Variants in KCNH5 observed in about 807,000 individuals in gnomAD.
KCNH5 encodes voltage-gated delayed rectifier potassium channel KCNH5.
A neutral mutation model predicts 96.1 loss-of-function variants in KCNH5; 46 were observed. The ratio of observed to expected loss-of-function variants is 0.48; its 90% CI spans 0.38 to 0.61. The LOEUF is 0.61. KCNH5 is among the 20% of genes least tolerant of loss of function. The pLI, the probability that KCNH5 is intolerant of heterozygous loss-of-function variation, is 0.00. For synonymous variants in KCNH5, 439 were observed against 449.8 expected (o/e 0.98, Z 0.30); for missense variants, 907 against 1,225.8 (o/e 0.74, Z 3.88).
At chr14:62,929,438 A>G (rs1222374721) in intron 7 of KCNH5, among the ~76,000 whole-genome samples, 2 of 152,006 alleles carry the variant, frequency 1.3e-5, no homozygotes, top group East Asian at 1.9e-4. Context: ...ATGTCATATC[A>G]TGTCATTTTT....
At chr14:62,823,434 G>T (rs1245927213) in intron 8 of KCNH5, among the ~76,000 whole-genome samples, 1 of 152,010 alleles carries the variant, frequency 6.6e-6, no homozygotes, top group South Asian at 2.1e-4. Flanking sequence ...GAGATTGGGG[G>T]TATGAGTAAT....
rs750334932 is a variant in KCNH5, at chr14:63,045,212, G to C, written c.-26C>G. The C allele has an allele frequency of 4.4e-6, 7 of 1,597,100 alleles. No homozygotes were observed. In the South Asian group the frequency reaches 5.5e-5, roughly 13 times the overall value. On this transcript the variant is annotated 5_prime_UTR_variant, in exon 1 of 11. The change creates a new upstream start codon in the 5' untranslated region. Coordinates refer to ENST00000322893, the MANE Select transcript of KCNH5 (RefSeq NM_139318.5). ...CCTGGGTCTGGAGAGCAGCGGCCAG[G>C]ATCCGCGGCGGGGGAGGGGGGGATG...
intron 7 of KCNH5, among the ~76,000 whole-genome samples, chr14:62,884,879 C>T (rs7144833): frequency 0.5 from 75,633 of 151,940 alleles, 19,248 homozygotes; most frequent in East Asian, 0.71. Context: ...TATGTCACTT[C>T]CAACATGAAA....
intron 7 of KCNH5, among the ~76,000 whole-genome samples, chr14:62,857,840 C>A (rs2140053943): frequency 6.6e-6 from 1 of 152,246 alleles, no homozygotes; most frequent in Non-Finnish European, 1.5e-5. Flanking sequence ...TCAATCTAAT[C>A]AAGGTGACAC....
At chr14:62,984,630 C>T (rs1213020817) in intron 5 of KCNH5, among the ~76,000 whole-genome samples, 3 of 152,016 alleles carry the variant, frequency 2.0e-5, no homozygotes, top group African/African-American at 7.3e-5. Flanking sequence ...AAATGTCTAT[C>T]GACAATCTTG....
At chr14:62,951,749 TCAGGAGTTCAAGAC>T (rs1274413236) in intron 6 of KCNH5, among the ~76,000 whole-genome samples, 2 of 152,048 alleles carry the variant, frequency 1.3e-5, no homozygotes, top group African/African-American at 2.4e-5. Context: ...TCACCTGAGG[TCAGGAGTTCAAGAC>T]CAGCCTGGCC....
chr14:62,934,826 T>C (rs1226360217), intron 7 of KCNH5, among the ~76,000 whole-genome samples: 1 of 152,186 alleles, frequency 6.6e-6, no homozygotes, highest in East Asian at 1.9e-4. Flanking sequence ...TTGTGTTTTG[T>C]TTTCACTTTA....
At chr14:62,869,936 A>C (rs900308804) in intron 7 of KCNH5, among the ~76,000 whole-genome samples, 8 of 152,198 alleles carry the variant, frequency 5.3e-5, no homozygotes, top group Non-Finnish European at 1.0e-4. Context: ...CATCTTATAC[A>C]AAAATTAACT....
chr14:62,963,571 C>T (rs540935014), intron 6 of KCNH5, among the ~76,000 whole-genome samples: 1 of 148,210 alleles, frequency 6.7e-6, no homozygotes, highest in African/African-American at 2.5e-5. Flanking sequence ...ATGAGATGTT[C>T]CAGATCAAGT....
intron 8 of KCNH5, among the ~76,000 whole-genome samples, chr14:62,817,720 G>GAATATATTATATATAAT (rs1157246072): frequency 5.5e-4 from 78 of 142,922 alleles, no homozygotes; most frequent in Middle Eastern, 3.7e-3. Flanking sequence ...TATATTCTAG[G>GAATATATTATATATAAT]AATATATTCT....
intron 10 of KCNH5, among the ~76,000 whole-genome samples, chr14:62,745,043 CAT>C (rs1885347553): frequency 2.0e-5 from 3 of 152,220 alleles, no homozygotes; most frequent in Non-Finnish European, 4.4e-5. Context: ...GTGCCCTCTA[CAT>C]TTTGCTTTGA....
intron 2 of KCNH5, among the ~76,000 whole-genome samples, chr14:63,011,694 G>A (rs1045355130): frequency 3.3e-5 from 5 of 151,948 alleles, no homozygotes; most frequent in South Asian, 2.1e-4. Flanking sequence ...TGTAATCTTC[G>A]GAGTCTGACA....
chr14:63,026,001 G>T (rs1891517691), intron 1 of KCNH5, among the ~76,000 whole-genome samples: 2 of 141,370 alleles, frequency 1.4e-5, no homozygotes, highest in South Asian at 4.3e-4. Context: ...GCACGGTACT[G>T]GCATAAAAAT....
chr14:62,781,676 C>T (rs921187069), intron 9 of KCNH5, among the ~76,000 whole-genome samples: 12 of 152,328 alleles, frequency 7.9e-5, no homozygotes, highest in Admixed American at 6.5e-4. Flanking sequence ...TGGCTCTGTT[C>T]CGCCGGGCTC....
intron 3 of KCNH5, among the ~76,000 whole-genome samples, chr14:63,003,166 T>C (rs1219496190): frequency 1.3e-5 from 2 of 151,992 alleles, no homozygotes; most frequent in African/African-American, 4.8e-5. Context: ...TGGCACAGAG[T>C]CTGGGCTCTC....
At chr14:62,780,037 G>C in intron 9 of KCNH5, 113 bp from the exon 10 acceptor site, 1 of 746,026 alleles carries the variant, frequency 1.3e-6, no homozygotes, top group Non-Finnish European at 2.0e-6. Flanking sequence ...TTAGAGCTGA[G>C]GGTATAACCA....
intron 10 of KCNH5, among the ~76,000 whole-genome samples, chr14:62,777,512 C>T (rs188289016): frequency 6.6e-6 from 1 of 152,184 alleles, no homozygotes; most frequent in African/African-American, 2.4e-5. Context: ...TATTTTCTCA[C>T]CACTTATCTT....
At chr14:63,001,521 G>A in intron 3 of KCNH5, 62 bp from the exon 4 acceptor site, 1 of 1,487,548 alleles carries the variant, frequency 6.7e-7, no homozygotes, top group Non-Finnish European at 9.0e-7. Context: ...GCAGTGGTTT[G>A]GTCTCCTGGC....
chr14:62,803,689 G>C (rs757696548), intron 8 of KCNH5, among the ~76,000 whole-genome samples: 64 of 152,134 alleles, frequency 4.2e-4, no homozygotes, highest in Non-Finnish European at 6.8e-4. Context: ...TTTCTGACAG[G>C]GTGATTAAAG....
Sources: allele counts gnomAD v4.1 joint callset (sites outside exome capture counted in the v4.1 genomes callset), GRCh38; gene constraint gnomAD v4.1.1; transcripts MANE v1.5; gene names NCBI Gene and HGNC (gene_info 2026-07-23, HGNC 2026-07-21).